Variants in UNC5D observed in about 807,000 individuals in gnomAD.
UNC5D encodes the protein unc-5 netrin receptor D.
Under a neutral mutation model 105.4 loss-of-function variants are expected in UNC5D, and 39 were observed. That is an observed-to-expected ratio of 0.37 (90% CI 0.29 to 0.48). UNC5D has a LOEUF of 0.48. Ranked by LOEUF, UNC5D falls within the 20% of genes least tolerant of loss-of-function variation. UNC5D has a pLI of 0.98. For synonymous variants in UNC5D, 452 were observed against 450.4 expected, an observed-to-expected ratio of 1.00 and a Z score of -0.04; for missense variants, 991 against 1,202.4, an observed-to-expected ratio of 0.82 and a Z score of 2.60.
At chr8:35,498,489 A>G (rs1461876440) in intron 1 of UNC5D, among the ~76,000 whole-genome samples, 1 of 152,138 alleles carries the variant, frequency 6.6e-6, no homozygotes, top group Admixed American at 6.5e-5. Flanking sequence ...TATATATAGG[A>G]AAGAGATGGC....
chr8:35,609,287 A>G (rs1327010712), intron 4 of UNC5D, among the ~76,000 whole-genome samples: 1 of 152,202 alleles, frequency 6.6e-6, no homozygotes, highest in Non-Finnish European at 1.5e-5. Flanking sequence ...AATGTGGGAC[A>G]GTATCCTAGT....
intron 1 of UNC5D, among the ~76,000 whole-genome samples, chr8:35,424,634 C>T (rs543907962): frequency 6.6e-6 from 1 of 152,268 alleles, no homozygotes; most frequent in African/African-American, 2.4e-5. Context: ...GGGAGGCTTT[C>T]ACATCTGTGT....
At chr8:35,533,401 A>C (rs6992111) in intron 1 of UNC5D, among the ~76,000 whole-genome samples, 188 of 151,792 alleles carry the variant, frequency 1.2e-3, no homozygotes, top group African/African-American at 3.9e-3. Context: ...GCAGTCTGCC[A>C]GTTCTCAGAT....
At chr8:35,353,017 C>A (rs1158338201) in intron 1 of UNC5D, among the ~76,000 whole-genome samples, 1 of 152,016 alleles carries the variant, frequency 6.6e-6, no homozygotes, top group Non-Finnish European at 1.5e-5. Context: ...GTAGCCTTTA[C>A]AAATATGGCC....
chr8:35,613,233 C>T (rs551354975), intron 4 of UNC5D, among the ~76,000 whole-genome samples: 12 of 152,326 alleles, frequency 7.9e-5, no homozygotes, highest in African/African-American at 2.9e-4. Context: ...CGCCATCATG[C>T]CCAGCTAATT....
intron 13 of UNC5D, among the ~76,000 whole-genome samples, chr8:35,751,806 G>A (rs985177342): frequency 3.9e-5 from 6 of 152,144 alleles, no homozygotes; most frequent in African/African-American, 7.2e-5. Context: ...CAACTGACCC[G>A]AAACATAATC....
At chr8:35,776,574 C>T (rs1182738626) in intron 16 of UNC5D, among the ~76,000 whole-genome samples, 1 of 152,132 alleles carries the variant, frequency 6.6e-6, no homozygotes, top group Non-Finnish European at 1.5e-5. Flanking sequence ...CAACTGCCCC[C>T]TTCTGTGTCT....
At chr8:35,418,918 G>T (rs1188024649) in intron 1 of UNC5D, among the ~76,000 whole-genome samples, 2 of 152,174 alleles carry the variant, frequency 1.3e-5, no homozygotes, top group African/African-American at 2.4e-5. Flanking sequence ...TAATGCTTAG[G>T]TATTTGTGGA....
At position 35,244,719 on chromosome 8, in the gene UNC5D, T is replaced by A. The variant is rs544799099; in HGVS notation, c.103+8832T>A. On this transcript the variant is annotated intron_variant, in intron 1 of 16. Transcript: ENST00000404895. ...TTTTCTCAGGTTTTGTTTTTAAAGA[T>A]GCTATTACAGGCTGGTCACAGTGGC... is the stretch of plus-strand genomic sequence containing the variant. Among the ~76,000 whole-genome samples, 57 of 152,282 alleles carry A rather than the reference T, an allele frequency of 3.7e-4. No homozygotes were observed. In the South Asian group the frequency reaches 8.3e-3, roughly 22 times the overall value.
intron 1 of UNC5D, among the ~76,000 whole-genome samples, chr8:35,487,769 G>A (rs927411973): frequency 6.6e-6 from 1 of 152,174 alleles, no homozygotes; most frequent in Non-Finnish European, 1.5e-5. Context: ...GCATTGCCTT[G>A]AAGAGACTGT....
chr8:35,490,074 G>A (rs1585964243), intron 1 of UNC5D, among the ~76,000 whole-genome samples: 1 of 152,134 alleles, frequency 6.6e-6, no homozygotes, highest in Non-Finnish European at 1.5e-5. Context: ...AAGATATTAC[G>A]TTTGTTGTAA....
intron 1 of UNC5D, among the ~76,000 whole-genome samples, chr8:35,354,555 C>A (rs530886536): frequency 8.0e-4 from 122 of 152,198 alleles, no homozygotes; most frequent in Non-Finnish European, 7.8e-4. Context: ...ATCATTGATC[C>A]GACCTCTTTC....
intron 11 of UNC5D, among the ~76,000 whole-genome samples, chr8:35,735,305 C>A (rs1829410641): frequency 6.8e-6 from 1 of 147,274 alleles, no homozygotes; most frequent in African/African-American, 2.5e-5. Flanking sequence ...GGGCTTTCTT[C>A]TGAAAAGCAA....
chr8:35,309,657 G>A (rs1808721559), intron 1 of UNC5D, among the ~76,000 whole-genome samples: 2 of 152,100 alleles, frequency 1.3e-5, no homozygotes, highest in South Asian at 4.1e-4. Flanking sequence ...GAATTCCTAT[G>A]AACCATTTCT....
At chr8:35,488,388 G>A (rs529301968) in intron 1 of UNC5D, among the ~76,000 whole-genome samples, 6 of 152,302 alleles carry the variant, frequency 3.9e-5, no homozygotes, top group African/African-American at 1.4e-4. Context: ...GAAAAGGACA[G>A]AATGACCCAG....
In UNC5D at chr8:35,249,328, C is replaced by T. The variant is rs193106646; in HGVS notation, c.103+13441C>T. 4.1e-3 allele frequency among the ~76,000 whole-genome samples: 614 copies of T among 149,350 alleles called. 6 individuals carry two copies. The highest frequency in any genetic ancestry group is 0.014 in the African/African-American group (579 of 40,964). On this transcript the variant is annotated intron_variant, in intron 1 of 16. Transcript: ENST00000404895. ...ATCCCAGCACTTTGGGAAGCCAAGGCAGATGGATCACCTGAGGTCAAGAGT... is the reference window on the plus strand; with the variant it reads ...ATCCCAGCACTTTGGGAAGCCAAGGTAGATGGATCACCTGAGGTCAAGAGT...
At chr8:35,306,610 A>G (rs1404009711) in intron 1 of UNC5D, among the ~76,000 whole-genome samples, 1 of 152,076 alleles carries the variant, frequency 6.6e-6, no homozygotes, top group African/African-American at 2.4e-5. Context: ...TTGGTTACTA[A>G]CCAGTTCATG....
chr8:35,735,751 G>A (rs1586558444), intron 11 of UNC5D, among the ~76,000 whole-genome samples: 1 of 152,174 alleles, frequency 6.6e-6, no homozygotes, highest in African/African-American at 2.4e-5. Flanking sequence ...CCATTACTGT[G>A]GAGATTACTG....
chr8:35,413,292 T>TGTGTGTGTTGTG (rs56157732), intron 1 of UNC5D, among the ~76,000 whole-genome samples: 24,083 of 127,712 alleles, frequency 0.19, 2,501 homozygotes, highest in Non-Finnish European at 0.22. Context: ...TGTGTGTGTG[T>TGTGTGTGTTGTG]TGTGTGTGTG....
Sources: gnomAD v4.1 joint callset for allele counts (sites outside exome capture counted in the v4.1 genomes callset) on GRCh38, gnomAD v4.1.1 for gene constraint, MANE v1.5 for transcripts, NCBI Gene and HGNC (gene_info 2026-07-23, HGNC 2026-07-21) for gene names.